CADM2: variants seen among roughly 807,000 people sequenced by gnomAD.
The protein encoded by CADM2 is cell adhesion molecule 2.
CADM2 carries 12 observed loss-of-function variants against 49.8 expected under a neutral mutation model. That is an observed-to-expected ratio of 0.24 (90% confidence interval 0.15 to 0.39). CADM2 has a LOEUF of 0.39. Ranked by LOEUF, CADM2 falls within the 10% of genes least tolerant of loss-of-function variation. CADM2 has a pLI of 1.00. For missense variants in CADM2, 378 were observed against 492.3 expected (o/e 0.77, Z 2.20); for synonymous variants, 214 against 175.4 (o/e 1.22, Z -1.74).
intron 8 of CADM2, among the ~76,000 whole-genome samples, chr3:85,976,253 G>A (rs770158746): frequency 2.0e-5 from 3 of 151,514 alleles, no homozygotes; most frequent in Non-Finnish European, 3.0e-5. Context: ...AACAGTGTAA[G>A]AGGTTTAAAA....
At position 85,531,905 on chromosome 3, in the gene CADM2, C is replaced by T. The variant is rs147640835; in HGVS notation, c.62-194617C>T. 2.6e-3 allele frequency among the ~76,000 whole-genome samples: 399 copies of T among 152,206 alleles called. 2 individuals are homozygous for T. The highest frequency in any genetic ancestry group is 8.8e-3 in the African/African-American group (367 of 41,534). On this transcript the variant is annotated intron_variant, in intron 1 of 9. Coordinates refer to ENST00000383699, the MANE Select transcript of CADM2 (RefSeq NM_001167675.2). Reference sequence around the variant, plus strand: ...TTTAACAAATAAAAAAGTCCAGGTGCGGTGGCTCACGCCTGTAATCCCAGC... The same window carrying T: ...TTTAACAAATAAAAAAGTCCAGGTGTGGTGGCTCACGCCTGTAATCCCAGC...
At chr3:85,673,911 A>AT (rs1160854642) in intron 1 of CADM2, among the ~76,000 whole-genome samples, 1 of 152,190 alleles carries the variant, frequency 6.6e-6, no homozygotes, top group Non-Finnish European at 1.5e-5. Context: ...CCATTAAAAA[A>AT]TTTTAACCAG....
chr3:85,321,897 A>G (rs2052205998), intron 1 of CADM2, among the ~76,000 whole-genome samples: 1 of 152,204 alleles, frequency 6.6e-6, no homozygotes, highest in African/African-American at 2.4e-5. Context: ...TGTTTATAGT[A>G]TGGAATAGTG....
intron 1 of CADM2, among the ~76,000 whole-genome samples, chr3:85,222,642 A>C (rs2042069068): frequency 6.6e-6 from 1 of 152,160 alleles, no homozygotes; most frequent in Non-Finnish European, 1.5e-5. Flanking sequence ...AAAACTCTTA[A>C]ATTCTTCATA....
intron 7 of CADM2, among the ~76,000 whole-genome samples, chr3:85,937,381 A>G (rs1403412415): frequency 6.6e-6 from 1 of 151,898 alleles, no homozygotes; most frequent in Non-Finnish European, 1.5e-5. Context: ...GATCCTGATT[A>G]CTATCATTTT....
chr3:85,822,350 G>A lies in CADM2; in HGVS notation c.238+20154G>A, dbSNP rs890253366. ...TGTAAACCCAGCACTTTGGGAGGCCGAGGCAGGCAGATCACTTGAGGTCAG... is the reference window on the plus strand; with the variant it reads ...TGTAAACCCAGCACTTTGGGAGGCCAAGGCAGGCAGATCACTTGAGGTCAG... On this transcript the variant is annotated intron_variant, in intron 3 of 9. Transcript: ENST00000383699. 3.3e-5 allele frequency among the ~76,000 whole-genome samples: 5 copies of A among 152,056 alleles called. No individual in the cohort carries two copies. In the East Asian group the frequency reaches 7.7e-4, roughly 23 times the overall value.
chr3:85,854,162 C>A (rs2075215834), intron 3 of CADM2, among the ~76,000 whole-genome samples: 1 of 152,160 alleles, frequency 6.6e-6, no homozygotes, highest in Non-Finnish European at 1.5e-5. Flanking sequence ...CCTGGCCATT[C>A]AGTAAGTAGA....
At chr3:85,466,304 C>T (rs992677192) in intron 1 of CADM2, among the ~76,000 whole-genome samples, 7 of 152,038 alleles carry the variant, frequency 4.6e-5, no homozygotes, top group African/African-American at 7.2e-5. Context: ...ACGTTTTTGT[C>T]ATTTGTGGGT....
intron 1 of CADM2, among the ~76,000 whole-genome samples, chr3:85,442,001 T>C (rs2037223503): frequency 6.6e-6 from 1 of 152,078 alleles, no homozygotes; most frequent in African/African-American, 2.4e-5. Context: ...TATCATATTA[T>C]TTATGTTTCA....
At chr3:85,572,915 G>A (rs1308022357) in intron 1 of CADM2, among the ~76,000 whole-genome samples, 1 of 152,028 alleles carries the variant, frequency 6.6e-6, no homozygotes, top group African/African-American at 2.4e-5. Context: ...ACACCCCAAA[G>A]TAATACTTTA....
At chr3:85,268,409 T>C (rs2043167072) in intron 1 of CADM2, among the ~76,000 whole-genome samples, 1 of 151,468 alleles carries the variant, frequency 6.6e-6, no homozygotes, top group Non-Finnish European at 1.5e-5. Flanking sequence ...AAAGGATGAC[T>C]CTTCCTTGAA....
intron 5 of CADM2, among the ~76,000 whole-genome samples, chr3:85,906,817 G>A (rs1168442448): frequency 6.6e-6 from 1 of 152,126 alleles, no homozygotes; most frequent in Non-Finnish European, 1.5e-5. Flanking sequence ...AGCTTTGCTT[G>A]AACATTAAAG....
intron 1 of CADM2, among the ~76,000 whole-genome samples, chr3:84,984,771 AG>A (rs1037147316): frequency 1.1e-4 from 17 of 152,136 alleles, no homozygotes; most frequent in African/African-American, 3.9e-4. Flanking sequence ...CCATTCTCTA[AG>A]GGTTCTATTT....
chr3:85,935,175 A>T (rs1721053104), intron 6 of CADM2, among the ~76,000 whole-genome samples: 1 of 152,140 alleles, frequency 6.6e-6, no homozygotes, highest in Admixed American at 6.6e-5. Context: ...CACATATAAC[A>T]AATGTTAACT....
chr3:85,449,700 C>T (rs1310517815), intron 1 of CADM2, among the ~76,000 whole-genome samples: 1 of 151,910 alleles, frequency 6.6e-6, no homozygotes, highest in Non-Finnish European at 1.5e-5. Flanking sequence ...GGAAAACAGA[C>T]AATCAGTTCT....
intron 1 of CADM2, among the ~76,000 whole-genome samples, chr3:85,291,834 A>T (rs1331593802): frequency 6.7e-6 from 1 of 148,284 alleles, no homozygotes; most frequent in Non-Finnish European, 1.5e-5. Flanking sequence ...CTGCAAAATC[A>T]TGCCAAAATG....
intron 2 of CADM2, among the ~76,000 whole-genome samples, chr3:85,735,286 G>A (rs1256686543): frequency 2.0e-5 from 3 of 152,080 alleles, no homozygotes; most frequent in Non-Finnish European, 4.4e-5. Flanking sequence ...TGATGGCGAG[G>A]AAGCAAGCCA....
At chr3:85,843,447 TCTTTAA>T (rs1239814495) in intron 3 of CADM2, among the ~76,000 whole-genome samples, 1 of 152,104 alleles carries the variant, frequency 6.6e-6, no homozygotes, top group Non-Finnish European at 1.5e-5. Context: ...ATATGGTGAT[TCTTTAA>T]CTTTTATCAT....
chr3:85,947,286 G>A (rs1427734331), intron 7 of CADM2, among the ~76,000 whole-genome samples: 2 of 151,606 alleles, frequency 1.3e-5, no homozygotes, highest in African/African-American at 2.4e-5. Flanking sequence ...AAAATAACTA[G>A]TGGGATAAAC....
Sources: allele counts gnomAD v4.1 joint callset (sites outside exome capture counted in the v4.1 genomes callset), GRCh38; gene constraint gnomAD v4.1.1; transcripts MANE v1.5; gene names NCBI Gene and HGNC (gene_info 2026-07-23, HGNC 2026-07-21).